PCDH15: variants seen among roughly 807,000 people sequenced by gnomAD.
PCDH15 encodes protocadherin related 15, also known as protocadherin-15.
A neutral mutation model predicts 178.5 loss-of-function variants in PCDH15; 129 were observed. The ratio of observed to expected loss-of-function variants is 0.72; its 90% CI spans 0.63 to 0.84. PCDH15 has a LOEUF of 0.84. Among genes scored for constraint, PCDH15 ranks in the 40% least tolerant of loss-of-function variants. The pLI, the probability that PCDH15 is intolerant of heterozygous loss-of-function variation, is 0.00. For synonymous variants in PCDH15, 800 were observed against 732.0 expected, an observed-to-expected ratio of 1.09 and a Z score of -1.50; for missense variants, 2,230 against 2,099.9, an observed-to-expected ratio of 1.06 and a Z score of -1.21.
rs1590451234 is a variant in PCDH15 at position 54,104,187 on chromosome 10, C to A, written c.1918-14124G>T. Among the ~76,000 whole-genome samples, 11 of 152,270 alleles carry A rather than the reference C, an allele frequency of 7.2e-5. 1 individual carries two copies. The highest frequency in any genetic ancestry group is 7.2e-4 in the Admixed American group (11 of 15,294). ...ACAAAAGTGGAAAGGCTGATGGCAG[C>A]ATGGATTAGAGAGAGGAGGTTTCCA... is the stretch of plus-strand genomic sequence containing the variant. On this transcript the variant is annotated intron_variant, in intron 15 of 37. Coordinates refer to ENST00000644397, the MANE Select transcript of PCDH15 (RefSeq NM_001384140.1).
chr10:55,428,970 A>T (rs548262520), intron 2 of PCDH15, among the ~76,000 whole-genome samples: 1 of 152,074 alleles, frequency 6.6e-6, no homozygotes, highest in Non-Finnish European at 1.5e-5. Flanking sequence ...CCACTTTACA[A>T]TGAATGTGAG....
chr10:54,542,266 A>G (rs2085328317), intron 2 of PCDH15, among the ~76,000 whole-genome samples: 1 of 152,194 alleles, frequency 6.6e-6, no homozygotes, highest in Non-Finnish European at 1.5e-5. Flanking sequence ...TTTTTCACTT[A>G]TGTGTGAAGC....
intron 1 of PCDH15, among the ~76,000 whole-genome samples, chr10:54,752,521 C>CA (rs1229369057): frequency 1.7e-5 from 1 of 58,894 alleles, no homozygotes; most frequent in African/African-American, 5.2e-5. Context: ...AACAAACAAA[C>CA]AAACAAACAA....
chr10:55,283,447 T>C lies in PCDH15; in HGVS notation c.-156+36152A>G, dbSNP rs532179351. The stretch of plus-strand genomic sequence containing the variant: ...CCTCTCTGGTACAGCCAGCTCTGCA[T>C]GAATTAAACTCTTTCTCTATTGCAA... On this transcript the variant is annotated intron_variant, in intron 1 of 5. Transcript: ENST00000458638. Among the ~76,000 whole-genome samples the C allele has an allele frequency of 6.6e-5, 10 of 152,152 alleles. 1 individual carries two copies. The highest frequency in any genetic ancestry group is 6.2e-4 in the South Asian group (3 of 4,818).
chr10:53,852,178 T>C lies in PCDH15; in HGVS notation c.3806+4997A>G, dbSNP rs74390460. Among the ~76,000 whole-genome samples the C allele has an allele frequency of 1.1e-4, 17 of 152,176 alleles. No individual in the cohort carries two copies. The East Asian group carries it at 3.3e-3, about 29-fold the overall frequency. On this transcript the variant is annotated intron_variant, in intron 28 of 37. Transcript: ENST00000644397. Reference sequence around the variant, plus strand: ...AGAAAGAAGTTATAAAATGCAAACATTTCATAGTTTCTTCTTTAGACAATT... The same window carrying C: ...AGAAAGAAGTTATAAAATGCAAACACTTCATAGTTTCTTCTTTAGACAATT...
chr10:54,957,878 G>A (rs916790890), intron 2 of PCDH15, among the ~76,000 whole-genome samples: 2 of 151,646 alleles, frequency 1.3e-5, no homozygotes, highest in Non-Finnish European at 3.0e-5. Flanking sequence ...CACATGGAAA[G>A]CTCTCTGCCT....
At chr10:54,370,316 T>C (rs1447682080) in intron 4 of PCDH15, among the ~76,000 whole-genome samples, 1 of 151,986 alleles carries the variant, frequency 6.6e-6, no homozygotes, top group Non-Finnish European at 1.5e-5. Context: ...AAAAACCTTG[T>C]CTCCAACCTG....
chr10:55,209,873 G>A (rs1840514659), intron 1 of PCDH15, among the ~76,000 whole-genome samples: 1 of 152,092 alleles, frequency 6.6e-6, no homozygotes, highest in East Asian at 1.9e-4. Context: ...TCATGCATAT[G>A]TTGTTGGTAG....
chr10:53,807,268 C>T (rs1841248455), intron 37 of PCDH15, 138 bp from the exon 38 acceptor site: 1 of 662,058 alleles, frequency 1.5e-6, no homozygotes, highest in African/African-American at 1.8e-5. Context: ...AGAAGGAAGC[C>T]AGTCTTTATT....
At chr10:54,153,637 G>T (rs1263695398) in intron 13 of PCDH15, among the ~76,000 whole-genome samples, 1 of 152,108 alleles carries the variant, frequency 6.6e-6, no homozygotes, top group East Asian at 1.9e-4. Context: ...TATTTTTCCT[G>T]TCTTGCCTTG....
At chr10:53,954,032 C>T (rs59265266) in intron 23 of PCDH15, among the ~76,000 whole-genome samples, 10,316 of 152,158 alleles carry the variant, frequency 0.068, 1,006 homozygotes, top group African/African-American at 0.21. Flanking sequence ...CCTCGTGATC[C>T]GCCCATCTAG....
chr10:54,695,505 G>T (rs967144504), intron 1 of PCDH15, among the ~76,000 whole-genome samples: 2 of 152,086 alleles, frequency 1.3e-5, no homozygotes, highest in Non-Finnish European at 2.9e-5. Flanking sequence ...GGAAAATTTA[G>T]CTAAGATCAT....
At chr10:54,250,033 C>A (rs12256626) in intron 8 of PCDH15, among the ~76,000 whole-genome samples, 10,479 of 151,172 alleles carry the variant, frequency 0.069, 1,041 homozygotes, top group African/African-American at 0.22. Flanking sequence ...CACTTCAGCA[C>A]CAGAGTAGTA....
In PCDH15 at chr10:53,955,831, A is replaced by G. The variant is rs139146602; in HGVS notation, c.3122+3901T>C. Reference sequence around the variant, plus strand: ...ATGTGCATCCAGTTGAGGCAGTAAAATGAATTTGAAAAAATTAGAGAAGAA... The same window carrying G: ...ATGTGCATCCAGTTGAGGCAGTAAAGTGAATTTGAAAAAATTAGAGAAGAA... On this transcript the variant is annotated intron_variant, in intron 23 of 37. Transcript: ENST00000644397. 4.8e-4 allele frequency among the ~76,000 whole-genome samples: 73 copies of G among 152,294 alleles called. 1 individual carries two copies. The East Asian group carries it at 0.011, about 23-fold the overall frequency.
intron 1 of PCDH15, among the ~76,000 whole-genome samples, chr10:55,285,281 T>G (rs1357139440): frequency 6.6e-6 from 1 of 150,800 alleles, no homozygotes; most frequent in Non-Finnish European, 1.5e-5. Context: ...ATAAAATCGA[T>G]TTTTAAAAAT....
chr10:54,741,325 CTCTT>C (rs1356919050), intron 1 of PCDH15, among the ~76,000 whole-genome samples: 9 of 151,578 alleles, frequency 5.9e-5, no homozygotes, highest in African/African-American at 2.2e-4. Context: ...TAAAAATGTA[CTCTT>C]TCTCTTTCCA....
chr10:55,230,066 T>C (rs889046413), intron 1 of PCDH15, among the ~76,000 whole-genome samples: 2 of 152,074 alleles, frequency 1.3e-5, no homozygotes, highest in Non-Finnish European at 2.9e-5. Flanking sequence ...CCTGTCCCTA[T>C]AGCATAGTGG....
At chr10:55,339,472 A>G (rs1462974668) in intron 2 of PCDH15, among the ~76,000 whole-genome samples, 1 of 152,192 alleles carries the variant, frequency 6.6e-6, no homozygotes, top group African/African-American at 2.4e-5. Flanking sequence ...TTTTAACAGC[A>G]TAGTGGAAAT....
At chr10:54,954,930 G>T (rs541852377) in intron 2 of PCDH15, among the ~76,000 whole-genome samples, 1 of 151,228 alleles carries the variant, frequency 6.6e-6, no homozygotes, top group South Asian at 2.1e-4. Context: ...TTGTGAATAT[G>T]TCTTATACAT....
Sources: allele counts gnomAD v4.1 joint callset (sites outside exome capture counted in the v4.1 genomes callset), GRCh38; gene constraint gnomAD v4.1.1; transcripts MANE v1.5; gene names NCBI Gene and HGNC (gene_info 2026-07-23, HGNC 2026-07-21).